HPRT1: variants seen among roughly 807,000 people sequenced by gnomAD.
The protein encoded by HPRT1 is hypoxanthine phosphoribosyltransferase 1, also known as hypoxanthine-guanine phosphoribosyltransferase.
HPRT1 carries 4 observed loss-of-function variants against 19.0 expected under a neutral mutation model. The ratio of observed to expected loss-of-function variants is 0.21; its 90% CI spans 0.10 to 0.48. The LOEUF (loss-of-function observed/expected upper bound fraction) is 0.48, where lower values mean the gene tolerates loss of function less well. HPRT1 is among the 20% of genes least tolerant of loss of function. The pLI is 0.98. For synonymous variants in HPRT1, 53 were observed against 54.9 expected (o/e 0.97, Z 0.15); for missense variants, 65 against 164.0 (o/e 0.40, Z 3.30).
intron 6 of HPRT1, among the ~76,000 whole-genome samples, chrX:134,496,821 G>A (rs922320668): frequency 8.9e-6 from 1 of 111,765 alleles, no homozygotes; most frequent in Non-Finnish European, 1.9e-5. Context: ...GGCCCGAGTA[G>A]GTGAGTTCTG....
intron 1 of HPRT1, among the ~76,000 whole-genome samples, chrX:134,466,565 C>T (rs112801319): frequency 1.8e-4 from 20 of 111,566 alleles, no homozygotes; most frequent in Non-Finnish European, 3.0e-4. Context: ...TCCCAGCCTC[C>T]AAAACTGTGA....
intron 3 of HPRT1, among the ~76,000 whole-genome samples, chrX:134,478,696 C>T (rs1273595486): frequency 8.9e-6 from 1 of 112,072 alleles, no homozygotes; most frequent in African/African-American, 3.2e-5. Context: ...ATCACTGCCA[C>T]TTTTTATTTA....
intron 6 of HPRT1, among the ~76,000 whole-genome samples, chrX:134,495,474 A>C (rs2077678108): frequency 8.9e-6 from 1 of 111,891 alleles, no homozygotes; most frequent in Non-Finnish European, 1.9e-5. Flanking sequence ...AATCTTTTTA[A>C]CTGCAAAGCG....
At chrX:134,471,136 T>C (rs922456198) in intron 1 of HPRT1, among the ~76,000 whole-genome samples, 3 of 110,451 alleles carry the variant, frequency 2.7e-5, no homozygotes, top group African/African-American at 9.8e-5. Flanking sequence ...TTTATATGTA[T>C]ATATAAAAAC....
At chrX:134,469,473 A>G (rs913328094) in intron 1 of HPRT1, among the ~76,000 whole-genome samples, 2 of 111,990 alleles carry the variant, frequency 1.8e-5, no homozygotes, top group African/African-American at 6.5e-5. Flanking sequence ...GTTTTAGAAT[A>G]CATCTCTGCT....
intron 1 of HPRT1, among the ~76,000 whole-genome samples, chrX:134,468,244 A>G (rs1198675364): frequency 9.0e-6 from 1 of 111,421 alleles, no homozygotes; most frequent in East Asian, 2.8e-4. Flanking sequence ...TGCATGACAT[A>G]GTAAGTATTC....
chrX:134,485,596 C>G (rs1417340333), intron 3 of HPRT1, among the ~76,000 whole-genome samples: 1 of 111,949 alleles, frequency 8.9e-6, no homozygotes, highest in African/African-American at 3.2e-5. Context: ...CCTACTGACT[C>G]GAAATACCAT....
intron 3 of HPRT1, among the ~76,000 whole-genome samples, chrX:134,482,266 G>T (rs993926091): frequency 1.8e-5 from 2 of 110,577 alleles, no homozygotes; most frequent in African/African-American, 6.6e-5. Flanking sequence ...TGTTGCCCAG[G>T]CTGGTCTAGA....
At chrX:134,478,067 G>A (rs1174712179) in intron 3 of HPRT1, among the ~76,000 whole-genome samples, 2 of 111,927 alleles carry the variant, frequency 1.8e-5, no homozygotes, top group Admixed American at 9.5e-5. Context: ...GCTTAATTTG[G>A]TAAAACTGTA....
At chrX:134,481,093 A>G (rs1309632878) in intron 3 of HPRT1, among the ~76,000 whole-genome samples, 2 of 109,749 alleles carry the variant, frequency 1.8e-5, no homozygotes, top group Admixed American at 9.8e-5. Flanking sequence ...TCACATAGTT[A>G]CCCATTTTTT....
chrX:134,487,180 G>T (rs955647652), intron 4 of HPRT1, among the ~76,000 whole-genome samples: 2 of 111,643 alleles, frequency 1.8e-5, no homozygotes, highest in African/African-American at 6.5e-5. Context: ...TTCTCCTAGT[G>T]TGAACCATTG....
intron 3 of HPRT1, among the ~76,000 whole-genome samples, chrX:134,481,819 C>A (rs1397484058): frequency 9.0e-6 from 1 of 110,710 alleles, no homozygotes; most frequent in African/African-American, 3.3e-5. Flanking sequence ...TCCCTTGAAA[C>A]CACAAATTTT....
intron 3 of HPRT1, among the ~76,000 whole-genome samples, chrX:134,482,827 T>A (rs968553463): frequency 9.0e-5 from 10 of 111,393 alleles, no homozygotes; most frequent in African/African-American, 3.3e-4. Flanking sequence ...CCCTTTTTTT[T>A]TATCTGAGAT....
Position 134,486,578 on chromosome X carries a change from A to G in HPRT1, c.384+48A>G, listed in dbSNP as rs187562754. ...AAAAAAAGCACTTCATACCGAGTCA[A>G]TTAGTAACAGTGTGCTTTCAATCAA... On this transcript the variant is annotated intron_variant, in intron 4 of 8. Coordinates refer to ENST00000298556, the MANE Select transcript of HPRT1 (RefSeq NM_000194.3). 718 of 722,246 alleles carry G rather than the reference A, an allele frequency of 9.9e-4. 1 individual carries two copies. The highest frequency in any genetic ancestry group is 1.4e-3 in the Non-Finnish European group (630 of 455,673). The allele number at this position is 722,246 out of a possible 1,213,427, so 59.5% of individuals were successfully genotyped here.
intron 1 of HPRT1, among the ~76,000 whole-genome samples, chrX:134,469,977 GAC>G (rs776769553): frequency 8.9e-6 from 1 of 112,472 alleles, no homozygotes; most frequent in Non-Finnish European, 1.9e-5. Flanking sequence ...TCACATAGGT[GAC>G]ACACAAATGT....
chrX:134,476,362 A>G, intron 3 of HPRT1, among the ~76,000 whole-genome samples: 1 of 112,509 alleles, frequency 8.9e-6, no homozygotes, highest in Admixed American at 9.5e-5. Flanking sequence ...CCCATACATC[A>G]TAACACTACT....
chrX:134,498,358 G>C lies in HPRT1; in HGVS notation c.486-32G>C. 3.5e-6 allele frequency: 4 copies of C among 1,127,983 alleles called. No individual in the cohort carries two copies. In the South Asian group the frequency reaches 5.4e-5, roughly 15 times the overall value. The allele number at this position is 1,127,983 out of a possible 1,213,427, so 93.0% of individuals were successfully genotyped here. On this transcript the variant is annotated intron_variant, in intron 6 of 8. Coordinates refer to ENST00000298556, the MANE Select transcript of HPRT1 (RefSeq NM_000194.3). ...TTTTGTAATGCCCTGTAGTCTCTCT[G>C]TATGTTATATGTCACATTTTGTAAT...
intron 5 of HPRT1, among the ~76,000 whole-genome samples, chrX:134,490,977 CCTCTCTCT>C (rs755918860): frequency 3.3e-5 from 3 of 91,838 alleles, no homozygotes; most frequent in Non-Finnish European, 6.6e-5. Context: ...TCACTAACAG[CCTCTCTCT>C]CTCTCTCTCT....
chrX:134,482,210 C>T (rs756007939), intron 3 of HPRT1, among the ~76,000 whole-genome samples: 2 of 110,372 alleles, frequency 1.8e-5, no homozygotes, highest in African/African-American at 6.6e-5. Flanking sequence ...CATGCCACCA[C>T]GCCCAGCTAA....
Sources: allele counts gnomAD v4.1 joint callset (sites outside exome capture counted in the v4.1 genomes callset), GRCh38; gene constraint gnomAD v4.1.1; transcripts MANE v1.5; gene names NCBI Gene and HGNC (gene_info 2026-07-23, HGNC 2026-07-21).